UBE2W: variants seen among roughly 807,000 people sequenced by gnomAD.
UBE2W encodes ubiquitin-conjugating enzyme E2 W.
UBE2W carries 18 observed loss-of-function variants against 27.2 expected under a neutral mutation model. The ratio of observed to expected loss-of-function variants is 0.66; its 90% CI spans 0.46 to 0.98. UBE2W has a LOEUF of 0.98. Ranked by LOEUF, UBE2W falls within the 50% of genes least tolerant of loss-of-function variation. The pLI is 0.00. For missense variants in UBE2W, 90 were observed against 180.2 expected (o/e 0.50, Z 2.87); for synonymous variants, 53 against 57.2 (o/e 0.93, Z 0.33).
chr8:73,863,645 C>A (rs1184498121), intron 1 of UBE2W, among the ~76,000 whole-genome samples: 1 of 151,492 alleles, frequency 6.6e-6, no homozygotes, highest in African/African-American at 2.4e-5. Flanking sequence ...GTAATCCCAG[C>A]TACTTGGGAG....
At chr8:73,859,064 A>C (rs1009807759) in intron 1 of UBE2W, among the ~76,000 whole-genome samples, 1 of 150,868 alleles carries the variant, frequency 6.6e-6, no homozygotes, top group Non-Finnish European at 1.5e-5. Flanking sequence ...TAAACTGAGC[A>C]ATTTCTTCAA....
intron 1 of UBE2W, among the ~76,000 whole-genome samples, chr8:73,870,647 A>G (rs1285603732): frequency 1.3e-5 from 2 of 152,136 alleles, no homozygotes; most frequent in Non-Finnish European, 2.9e-5. Flanking sequence ...CCTACATGTC[A>G]GGCACTAGGT....
intron 1 of UBE2W, among the ~76,000 whole-genome samples, chr8:73,849,063 A>G (rs543133781): frequency 1.3e-3 from 202 of 152,094 alleles, no homozygotes; most frequent in Non-Finnish European, 6.3e-4. Flanking sequence ...GAAAAAGCAA[A>G]TATGGAAAAT....
chr8:73,787,021 A>G lies in UBE2W; in HGVS notation c.*7081T>C. 1 of 985,476 alleles carries G rather than the reference A, an allele frequency of 1.0e-6. No homozygotes were observed. The highest frequency in any genetic ancestry group is 1.7e-5 in the African/African-American group (1 of 57,376). The allele number at this position is 985,476 out of a possible 1,614,324, so 61.0% of individuals were successfully genotyped here. ...CATTAAGTCCCTGAAGGCCAGATACAGACATGAGAAGATATTTCCTACCTT... is the reference window on the plus strand; with the variant it reads ...CATTAAGTCCCTGAAGGCCAGATACGGACATGAGAAGATATTTCCTACCTT... On this transcript the variant is annotated 3_prime_UTR_variant, in exon 6 of 6. Coordinates refer to ENST00000602593, the MANE Select transcript of UBE2W (RefSeq NM_018299.6).
intron 1 of UBE2W, among the ~76,000 whole-genome samples, chr8:73,846,904 G>A (rs1429406658): frequency 6.6e-6 from 1 of 152,210 alleles, no homozygotes; most frequent in Non-Finnish European, 1.5e-5. Context: ...CAGGTGCAGT[G>A]GCTCAAGCCT....
chr8:73,858,113 C>A (rs1811379189), intron 1 of UBE2W, among the ~76,000 whole-genome samples: 1 of 152,036 alleles, frequency 6.6e-6, no homozygotes, highest in African/African-American at 2.4e-5. Flanking sequence ...GTAATCCCAG[C>A]ACTTTGGGAG....
chr8:73,826,103 A>AT (rs1354999641), intron 2 of UBE2W, among the ~76,000 whole-genome samples: 4 of 152,136 alleles, frequency 2.6e-5, no homozygotes, highest in African/African-American at 9.7e-5. Flanking sequence ...ACTTACTCTG[A>AT]TGATTAAGCA....
chr8:73,816,543 A>T (rs1809395173), intron 3 of UBE2W, among the ~76,000 whole-genome samples: 1 of 152,214 alleles, frequency 6.6e-6, no homozygotes, highest in Non-Finnish European at 1.5e-5. Flanking sequence ...GGGGGGAATG[A>T]GGATGAAGAG....
At chr8:73,821,556 T>TGG (rs1554581573) in intron 3 of UBE2W, among the ~76,000 whole-genome samples, 132 of 7,714 alleles carry the variant, frequency 0.017, 3 homozygotes, top group East Asian at 0.042. Flanking sequence ...AGTGTGTGTG[T>TGG]GGGGGGGGGG....
intron 3 of UBE2W, among the ~76,000 whole-genome samples, chr8:73,818,182 A>G (rs993621262): frequency 6.6e-6 from 1 of 152,178 alleles, no homozygotes; most frequent in Non-Finnish European, 1.5e-5. Flanking sequence ...ACAGTTGCAT[A>G]TGCCAAAAAT....
At position 73,815,262 on chromosome 8, in the gene UBE2W, C is replaced by A. The variant is rs564480126; in HGVS notation, c.211-4633G>T. 5.3e-5 allele frequency among the ~76,000 whole-genome samples: 8 copies of A among 152,188 alleles called. No individual in the cohort carries two copies. In the South Asian group the frequency reaches 1.2e-3, roughly 24 times the overall value. The stretch of plus-strand genomic sequence containing the variant: ...TGGTGGCATGCTCCTGTAGTCCCAG[C>A]TACTCAGGAAGCTAAGGTGAGAGGA... On this transcript the variant is annotated intron_variant, in intron 3 of 5. Transcript: ENST00000602593.
chr8:73,790,610 A>G lies in UBE2W; in HGVS notation c.*3492T>C. Reference sequence around the variant, plus strand: ...GCAGCAGTAACCATAAAGGCTTAGAACTAGTGACACTGAATTCTTTATTTA... The same window carrying G: ...GCAGCAGTAACCATAAAGGCTTAGAGCTAGTGACACTGAATTCTTTATTTA... On this transcript the variant is annotated 3_prime_UTR_variant, in exon 6 of 6. Transcript: ENST00000602593. 1 of 985,122 alleles carries G rather than the reference A, an allele frequency of 1.0e-6. No homozygotes were observed. Among genetic ancestry groups the G allele is most frequent in the Non-Finnish European group, 1.2e-6 (1 of 829,626 alleles). 61.0% of individuals were successfully genotyped at this position (985,122 alleles called of 1,614,324 possible).
chr8:73,832,194 C>T (rs936573590), intron 1 of UBE2W, among the ~76,000 whole-genome samples: 1 of 151,044 alleles, frequency 6.6e-6, no homozygotes, highest in Non-Finnish European at 1.5e-5. Flanking sequence ...CCAGGTACTT[C>T]AGAGGATAAG....
At chr8:73,800,026 T>G (rs966208404) in intron 5 of UBE2W, among the ~76,000 whole-genome samples, 6 of 152,228 alleles carry the variant, frequency 3.9e-5, no homozygotes, top group Non-Finnish European at 7.3e-5. Flanking sequence ...CGTATGATTA[T>G]CTTTGTAAGA....
At chr8:73,805,467 AAAAAC>A (rs1299891729) in intron 5 of UBE2W, among the ~76,000 whole-genome samples, 179 bp downstream of exon 5, 2 of 134,506 alleles carry the variant, frequency 1.5e-5, no homozygotes, top group African/African-American at 2.9e-5. Flanking sequence ...AAAAAAAAAA[AAAAAC>A]AAAAAAAACT....
At chr8:73,805,811 C>G in intron 4 of UBE2W, 85 bp from the exon 5 acceptor site, 1 of 693,316 alleles carries the variant, frequency 1.4e-6, no homozygotes, top group Non-Finnish European at 2.3e-6. Flanking sequence ...GAAAAATTAA[C>G]AGAATGCATA....
At position 73,792,352 on chromosome 8, in the gene UBE2W, T is replaced by A. The variant is rs1406087455; in HGVS notation, c.*1750A>T. ...TTGGTGGCTGGCCACGGTTTTAATT[T>A]TTTTTTTCAAGTTATTTCTATAGCA... is the stretch of plus-strand genomic sequence containing the variant. On this transcript the variant is annotated 3_prime_UTR_variant, in exon 6 of 6. Transcript: ENST00000602593. 2 of 985,558 alleles carry A rather than the reference T, an allele frequency of 2.0e-6. No individual in the cohort carries two copies. The highest frequency in any genetic ancestry group is 1.2e-6 in the Non-Finnish European group (1 of 829,784). 61.1% of individuals were successfully genotyped at this position (985,558 alleles called of 1,614,324 possible).
intron 5 of UBE2W, among the ~76,000 whole-genome samples, chr8:73,799,556 C>A (rs1456847437): frequency 2.6e-5 from 4 of 152,166 alleles, no homozygotes; most frequent in African/African-American, 9.7e-5. Flanking sequence ...GTGCCTCCAT[C>A]CTGCATCCAG....
At chr8:73,834,528 GCT>G (rs1810223958) in intron 1 of UBE2W, among the ~76,000 whole-genome samples, 1 of 152,306 alleles carries the variant, frequency 6.6e-6, no homozygotes, top group East Asian at 1.9e-4. Context: ...TGTAGTCCCA[GCT>G]ACTCAGGGGG....
Sources: gnomAD v4.1 joint callset for allele counts (sites outside exome capture counted in the v4.1 genomes callset) on GRCh38, gnomAD v4.1.1 for gene constraint, MANE v1.5 for transcripts, NCBI Gene and HGNC (gene_info 2026-07-23, HGNC 2026-07-21) for gene names.